The following MYOF variants were observed in gnomAD, a reference collection of about 807,000 sequenced individuals.
The protein encoded by MYOF is fer-1-like 3, myoferlin.
Under a neutral mutation model 284.2 loss-of-function variants are expected in MYOF, and 244 were observed. That is an observed-to-expected ratio of 0.86 (90% CI 0.77 to 0.95). The LOEUF (loss-of-function observed/expected upper bound fraction) is 0.95. MYOF is among the 40% of genes least tolerant of loss of function. The pLI, the probability that MYOF is intolerant of heterozygous loss-of-function variation, is 0.00. For missense variants in MYOF, 2,496 were observed against 2,560.6 expected, an observed-to-expected ratio of 0.97 and a Z score of 0.54; for synonymous variants, 904 against 919.7, an observed-to-expected ratio of 0.98 and a Z score of 0.31.
At chr10:93,320,639 G>C (rs910606302) in intron 48 of MYOF, among the ~76,000 whole-genome samples, 1 of 151,940 alleles carries the variant, frequency 6.6e-6, no homozygotes, top group East Asian at 1.9e-4. Flanking sequence ...TCTTCTGCTT[G>C]TGCCTGGCAC....
intron 1 of MYOF, among the ~76,000 whole-genome samples, chr10:93,476,019 G>GATGGGAATGACTCAGT (rs2057252446): frequency 6.6e-6 from 1 of 152,102 alleles, no homozygotes; most frequent in Non-Finnish European, 1.5e-5. Flanking sequence ...AATGACTCAG[G>GATGGGAATGACTCAGT]AGATTAAACA....
At chr10:93,332,097 C>A (rs1843333915) in intron 43 of MYOF, among the ~76,000 whole-genome samples, 1 of 152,174 alleles carries the variant, frequency 6.6e-6, no homozygotes, top group Admixed American at 6.5e-5. Context: ...GTTTTCTGCA[C>A]CTGTACAGTC....
At chr10:93,338,655 C>T (rs531515651) in intron 39 of MYOF, among the ~76,000 whole-genome samples, 82 of 152,128 alleles carry the variant, frequency 5.4e-4, no homozygotes, top group Non-Finnish European at 1.1e-3. Flanking sequence ...GGGCTCCCAA[C>T]CTATCCTAGG....
chr10:93,308,362 A>G (rs938414884), intron 53 of MYOF, among the ~76,000 whole-genome samples: 2 of 151,706 alleles, frequency 1.3e-5, no homozygotes, highest in Non-Finnish European at 2.9e-5. Context: ...AGGTGGGTGG[A>G]TCACTTGAGG....
At chr10:93,396,675 T>A (rs867468391) in intron 15 of MYOF, among the ~76,000 whole-genome samples, 1 of 152,220 alleles carries the variant, frequency 6.6e-6, no homozygotes, top group African/African-American at 2.4e-5. Flanking sequence ...ATGATTGTGA[T>A]GATCATGATG....
intron 3 of MYOF, among the ~76,000 whole-genome samples, chr10:93,435,094 T>C (rs764814003): frequency 8.5e-5 from 13 of 152,246 alleles, no homozygotes; most frequent in Non-Finnish European, 1.8e-4. Context: ...CGATGAAAGA[T>C]GTGGAAACAA....
At chr10:93,385,834 T>G (rs1341590974) in intron 19 of MYOF, among the ~76,000 whole-genome samples, 4 of 138,328 alleles carry the variant, frequency 2.9e-5, no homozygotes, top group Admixed American at 7.2e-5. Flanking sequence ...GGGCAATATA[T>G]ATTGTTGACT....
At chr10:93,446,947 C>T (rs1485152032) in intron 3 of MYOF, among the ~76,000 whole-genome samples, 1 of 152,038 alleles carries the variant, frequency 6.6e-6, no homozygotes, top group Non-Finnish European at 1.5e-5. Context: ...GAACTCCTGG[C>T]CTCAAGTGAT....
intron 24 of MYOF, 40 bp downstream of exon 24, chr10:93,372,890 G>A: frequency 6.2e-7 from 1 of 1,610,246 alleles, no homozygotes; most frequent in Non-Finnish European, 8.5e-7. Flanking sequence ...TACAGCTTTT[G>A]CATTTAGTGT....
At position 93,335,841 on chromosome 10, in the gene MYOF, G is replaced by C. The variant is rs117735948; in HGVS notation, c.4563+80C>G. On this transcript the variant is annotated intron_variant, in intron 41 of 53. Coordinates refer to ENST00000359263, the MANE Select transcript of MYOF (RefSeq NM_013451.4). ...AGGCTGCAGGATGTGCCCCTCCCTA[G>C]AGCCTGGTTGTCCTTTATTCTAGGC... 3.3e-6 allele frequency: 5 copies of C among 1,518,178 alleles called. No individual in the cohort carries two copies. In the East Asian group the frequency reaches 1.1e-4, roughly 35 times the overall value. 94.0% of individuals were successfully genotyped at this position (1,518,178 alleles called of 1,614,324 possible). A position where few individuals can be genotyped will look rare whatever the true frequency, so the allele number is the denominator to read the frequency against.
chr10:93,310,660 C>G lies in MYOF; in HGVS notation c.5890-17G>C, dbSNP rs1452306223. 6.2e-7 allele frequency: 1 copy of G among 1,607,782 alleles called. No individual in the cohort carries two copies. The highest frequency in any genetic ancestry group is 8.5e-7 in the Non-Finnish European group (1 of 1,174,610). Reference sequence around the variant, plus strand: ...CACTTTCCCCTTCAGTAAAGCAGAGCAGGTTAAACATATGACATCATGTTT... The same window carrying G: ...CACTTTCCCCTTCAGTAAAGCAGAGGAGGTTAAACATATGACATCATGTTT... On this transcript the variant is annotated splice_polypyrimidine_tract_variant and intron_variant, in intron 51 of 53. Transcript: ENST00000359263.
rs1331261586 is a variant in MYOF at position 93,482,314 on chromosome 10, G to A, written c.-120C>T. The A allele has an allele frequency of 5.6e-6, 5 of 893,894 alleles. No homozygotes were observed. Among genetic ancestry groups the A allele is most frequent in the Non-Finnish European group, 7.0e-6 (4 of 573,312 alleles). The allele number at this position is 893,894 out of a possible 1,614,324, so 55.4% of individuals were successfully genotyped here. A position where few individuals can be genotyped will look rare whatever the true frequency, so the allele number is the denominator to read the frequency against. On this transcript the variant is annotated 5_prime_UTR_variant, in exon 1 of 54. Coordinates refer to ENST00000359263, the MANE Select transcript of MYOF (RefSeq NM_013451.4). Reference sequence around the variant, plus strand: ...CCCAGTGAAGGGAGGATTTCTCCCAGGGCAAGGAAGGGGAAAAGGCAAAAT... The same window carrying A: ...CCCAGTGAAGGGAGGATTTCTCCCAAGGCAAGGAAGGGGAAAAGGCAAAAT...
chr10:93,467,980 C>A (rs1175059237), intron 1 of MYOF, among the ~76,000 whole-genome samples: 1 of 152,166 alleles, frequency 6.6e-6, no homozygotes, highest in East Asian at 1.9e-4. Context: ...TAGACTTCTT[C>A]ATTAATAAAG....
At chr10:93,377,460 G>T in intron 21 of MYOF, 31 bp from the exon 22 acceptor site, 1 of 1,475,880 alleles carries the variant, frequency 6.8e-7, no homozygotes, top group Non-Finnish European at 9.5e-7. Flanking sequence ...GGAAATAATT[G>T]ATAATTGTTC....
At position 93,328,777 on chromosome 10, in the gene MYOF, C is replaced by G. The variant is rs1843167943; in HGVS notation, c.5117G>C (p.Ser1706Thr). 1.6e-5 allele frequency: 25 copies of G among 1,611,974 alleles called. No homozygotes were observed. The highest frequency in any genetic ancestry group is 2.0e-5 in the Non-Finnish European group (24 of 1,178,174). ...TAGGTGCTCACCAAATTCATCCAAG[C>G]TGTAGTCTCGTCCTCCATATCTGAT... ...SRIRYGGRDY[S>T]LDEFEANKIL... Residue 1706 changes from serine (S) to threonine (T), a missense_variant, in exon 45 of 54, where the codon AGC becomes ACC. By Grantham distance (58) the Ser-to-Thr change is moderately conservative. This residue lies in a region of MYOF where 2,436 missense variants were observed against 2,480.7 expected (regional missense o/e 0.98). Transcript: ENST00000359263.
chr10:93,436,354 G>A (rs1195327150), intron 3 of MYOF, among the ~76,000 whole-genome samples: 2 of 152,122 alleles, frequency 1.3e-5, no homozygotes, highest in Non-Finnish European at 2.9e-5. Flanking sequence ...AATTATAAAG[G>A]CTAACCTCAA....
At chr10:93,399,786 T>C (rs1847188208) in intron 12 of MYOF, among the ~76,000 whole-genome samples, 1 of 152,010 alleles carries the variant, frequency 6.6e-6, no homozygotes, top group African/African-American at 2.4e-5. Context: ...GCAGGAGAAC[T>C]GCTTGAACCT....
rs766497185 is a variant in MYOF at position 93,397,307 on chromosome 10, GA to G, written c.1291-18del. The G allele has an allele frequency of 2.5e-6, 4 of 1,598,410 alleles. No homozygotes were observed. In the African/African-American group the frequency reaches 5.4e-5, roughly 22 times the overall value. ...TGAAGGAAACTAAAAAAATGAGACA[GA>G]AAAAAGTAGTTATTTCTCAATGATT... is the stretch of plus-strand genomic sequence containing the variant. On this transcript the variant is annotated intron_variant, in intron 14 of 53. Transcript: ENST00000359263.
Position 93,456,901 on chromosome 10 carries a change from A to G in MYOF, c.125T>C (p.Leu42Ser). The G allele has an allele frequency of 6.2e-7, 1 of 1,609,092 alleles. No individual in the cohort carries two copies. Among genetic ancestry groups the G allele is most frequent in the Non-Finnish European group, 8.5e-7 (1 of 1,178,080 alleles). ...AGTCACCTCATTCCAGACAGGGTTC[A>G]ATTCATTATCAACTTTCTTTGTTTT... ...KKKTKKVDNELNPVWNEILEF... is the reference protein window; with the variant it reads ...KKKTKKVDNESNPVWNEILEF... The change falls in exon 2 of 54, where the codon TTG becomes TCG. Residue 42 changes from leucine to serine, a missense_variant. By Grantham distance (145) the Leu-to-Ser change is moderately radical. This residue lies in a region of MYOF where 57 missense variants were observed against 62.4 expected (regional missense o/e 0.91). Transcript: ENST00000359263.
Sources: allele counts gnomAD v4.1 joint callset (sites outside exome capture counted in the v4.1 genomes callset), GRCh38; gene constraint gnomAD v4.1.1; regional missense constraint gnomAD v4.1.1; transcripts MANE v1.5; gene names NCBI Gene and HGNC (gene_info 2026-07-23, HGNC 2026-07-21).